The following TIAM1 variants were observed in gnomAD, a reference collection of about 807,000 sequenced individuals.
TIAM1 encodes the protein TIAM Rac1 associated GEF 1.
Under a neutral mutation model 163.5 loss-of-function variants are expected in TIAM1, and 65 were observed. That is an observed-to-expected ratio of 0.40 (90% confidence interval 0.33 to 0.49). The LOEUF is 0.49. Ranked by LOEUF, TIAM1 falls within the 20% of genes least tolerant of loss-of-function variation. TIAM1 has a pLI of 0.77. For synonymous variants in TIAM1, 833 were observed against 810.1 expected (o/e 1.03, Z -0.48); for missense variants, 1,789 against 2,044.7 (o/e 0.87, Z 2.41).
At chr21:31,185,435 A>T (rs1339561740) in intron 14 of TIAM1, among the ~76,000 whole-genome samples, 1 of 145,558 alleles carries the variant, frequency 6.9e-6, no homozygotes, top group African/African-American at 2.5e-5. Context: ...ATATAATTAT[A>T]TATAATTATA....
intron 3 of TIAM1, among the ~76,000 whole-genome samples, chr21:31,274,324 G>A (rs1265218342): frequency 1.3e-5 from 2 of 152,086 alleles, no homozygotes; most frequent in Non-Finnish European, 2.9e-5. Flanking sequence ...CACCTGTACT[G>A]CATAAGAAAA....
chr21:31,130,301 C>T lies in TIAM1; in HGVS notation c.3957G>A (p.Arg1319=), dbSNP rs1462976685. 4.3e-6 allele frequency: 7 copies of T among 1,613,790 alleles called. No individual in the cohort carries two copies. Among genetic ancestry groups the T allele is most frequent in the African/African-American group, 1.3e-5 (1 of 74,864 alleles). Residue 1319 remains arginine (R), a synonymous_variant, in exon 25 of 28, where the codon AGG becomes AGA. Coordinates refer to ENST00000541036, the MANE Select transcript of TIAM1 (RefSeq NM_001353694.2). ...KQKKKLVGSH[R]LSIYEDWDPF... ...GGTCCCAGTCCTCATAAATGGAAAG[C>T]CTGTGAGATCCTACCTGCAGAGGAG...
intron 2 of TIAM1, among the ~76,000 whole-genome samples, chr21:31,409,538 G>A (rs981800827): frequency 2.0e-5 from 3 of 152,024 alleles, no homozygotes; most frequent in African/African-American, 7.2e-5. Flanking sequence ...TCCGCACACC[G>A]ACTTCCTGCT....
In TIAM1 at chr21:31,173,258, G is replaced by T. The variant is rs139967718; in HGVS notation, c.2888-8193C>A. Among the ~76,000 whole-genome samples, 647 of 151,834 alleles carry T rather than the reference G, an allele frequency of 4.3e-3. 6 individuals carry two copies. The highest frequency in any genetic ancestry group is 0.015 in the African/African-American group (627 of 41,402). ...TGACAAAGAGAAACAATTACAACAC[G>T]AAACTTTTAAAAGGTCTTTTTAATG... On this transcript the variant is annotated intron_variant, in intron 15 of 27. Coordinates refer to ENST00000541036, the MANE Select transcript of TIAM1 (RefSeq NM_001353694.2).
At chr21:31,414,645 A>G (rs908231201) in intron 2 of TIAM1, among the ~76,000 whole-genome samples, 7 of 152,188 alleles carry the variant, frequency 4.6e-5, no homozygotes, top group African/African-American at 1.7e-4. Context: ...AGGAAGTGAC[A>G]TCAACCAGAA....
intron 1 of TIAM1, among the ~76,000 whole-genome samples, chr21:31,492,203 G>C (rs1207150692): frequency 6.6e-6 from 1 of 152,164 alleles, no homozygotes; most frequent in African/African-American, 2.4e-5. Flanking sequence ...AACTACATCA[G>C]GTAAACCTGC....
intron 2 of TIAM1, among the ~76,000 whole-genome samples, chr21:31,394,443 T>C (rs529213620): frequency 6.6e-6 from 1 of 152,152 alleles, no homozygotes; most frequent in Non-Finnish European, 1.5e-5. Flanking sequence ...TAATTATACA[T>C]TGGTCCAAAC....
In TIAM1 at chr21:31,217,552, C is replaced by G; in HGVS notation, c.2142+1G>C. Reference sequence around the variant, plus strand: ...CACTTTTCATCTGCTCTGGAACCTACCTGATTGATGCTTGGCCGTCCCTGC... The same window carrying G: ...CACTTTTCATCTGCTCTGGAACCTAGCTGATTGATGCTTGGCCGTCCCTGC... On this transcript the variant is annotated splice_donor_variant, in intron 9 of 27. Coordinates refer to ENST00000541036, the MANE Select transcript of TIAM1 (RefSeq NM_001353694.2). LOFTEE classifies it high-confidence loss of function. The G allele has an allele frequency of 1.9e-6, 3 of 1,613,662 alleles. No homozygotes were observed. The highest frequency in any genetic ancestry group is 2.5e-6 in the Non-Finnish European group (3 of 1,179,750).
Position 31,536,100 on chromosome 21 carries a change from C to T in TIAM1, c.-422+22827G>A, listed in dbSNP as rs1006778445. On this transcript the variant is annotated intron_variant, in intron 1 of 28. Transcript: ENST00000286827. Reference sequence around the variant, plus strand: ...GAAAATGCGGCACAGGCAGAGAGGCCGGGGGTTGATGCTTCCTGGGCCCAC... The same window carrying T: ...GAAAATGCGGCACAGGCAGAGAGGCTGGGGGTTGATGCTTCCTGGGCCCAC... Among the ~76,000 whole-genome samples the T allele has an allele frequency of 2.6e-5, 4 of 152,070 alleles. No individual in the cohort carries two copies. In the South Asian group the frequency reaches 6.2e-4, roughly 24 times the overall value.
At chr21:31,222,693 ATATATATATATATATTTTTTTTTTT>A (rs1419764303) in intron 8 of TIAM1, among the ~76,000 whole-genome samples, 4 of 39,910 alleles carry the variant, frequency 1.0e-4, no homozygotes, top group African/African-American at 3.3e-4. Flanking sequence ...ATATATATAT[ATATATATATATATATTTTTTTTTTT>A]TTTTTTTTTT....
chr21:31,462,042 C>T (rs1410443986), intron 2 of TIAM1, among the ~76,000 whole-genome samples: 2 of 152,164 alleles, frequency 1.3e-5, no homozygotes, highest in South Asian at 2.1e-4. Flanking sequence ...AACAATGTGT[C>T]GGGGACGAGA....
At chr21:31,387,865 C>T (rs2076902833) in intron 2 of TIAM1, among the ~76,000 whole-genome samples, 2 of 152,012 alleles carry the variant, frequency 1.3e-5, no homozygotes, top group Non-Finnish European at 2.9e-5. Flanking sequence ...GAAGTCGCCT[C>T]CTCCCAGTGG....
intron 1 of TIAM1, among the ~76,000 whole-genome samples, chr21:31,531,985 C>T (rs1264317093): frequency 1.3e-5 from 2 of 151,994 alleles, no homozygotes; most frequent in Admixed American, 6.6e-5. Context: ...GGCATGGTGG[C>T]GTGTGCCTGC....
intron 1 of TIAM1, among the ~76,000 whole-genome samples, chr21:31,548,187 T>A (rs1407184812): frequency 7.4e-6 from 1 of 135,874 alleles, no homozygotes; most frequent in Non-Finnish European, 1.5e-5. Context: ...TCACCCAGGC[T>A]GGAGTACAGT....
At chr21:31,196,645 G>T (rs1197433502) in intron 12 of TIAM1, among the ~76,000 whole-genome samples, 2 of 152,186 alleles carry the variant, frequency 1.3e-5, no homozygotes, top group African/African-American at 2.4e-5. Flanking sequence ...ATACACTGTT[G>T]TTGGGAATGT....
At chr21:31,338,350 G>C (rs926616447) in intron 2 of TIAM1, among the ~76,000 whole-genome samples, 1 of 152,132 alleles carries the variant, frequency 6.6e-6, no homozygotes, top group African/African-American at 2.4e-5. Context: ...TTCAATTTCT[G>C]GACCAACCAA....
intron 2 of TIAM1, among the ~76,000 whole-genome samples, chr21:31,319,836 A>AC (rs1184998101): frequency 1.3e-5 from 2 of 151,532 alleles, no homozygotes; most frequent in Admixed American, 1.3e-4. Context: ...ATAAGGTGGT[A>AC]CCTCACCATG....
At chr21:31,478,913 T>C (rs767978934) in intron 1 of TIAM1, among the ~76,000 whole-genome samples, 2 of 152,254 alleles carry the variant, frequency 1.3e-5, no homozygotes, top group Non-Finnish European at 2.9e-5. Context: ...ATAAATGAAA[T>C]CCAGAAACAT....
At chr21:31,424,911 G>C (rs141604934) in intron 2 of TIAM1, among the ~76,000 whole-genome samples, 315 of 151,994 alleles carry the variant, frequency 2.1e-3, no homozygotes, top group African/African-American at 7.3e-3. Flanking sequence ...AAATGAGCTG[G>C]GTGTGGTGGT....
Sources: gnomAD v4.1 joint callset for allele counts (sites outside exome capture counted in the v4.1 genomes callset) on GRCh38, gnomAD v4.1.1 for gene constraint, MANE v1.5 for transcripts, NCBI Gene and HGNC (gene_info 2026-07-23, HGNC 2026-07-21) for gene names.